The following KANK1 variants were observed in gnomAD, a reference collection of about 807,000 sequenced individuals.
KANK1 encodes the protein KN motif and ankyrin repeat domain-containing protein 1.
Under a neutral mutation model 106.2 loss-of-function variants are expected in KANK1, and 109 were observed. That is an observed-to-expected ratio of 1.03 (90% CI 0.88 to 1.20). KANK1 has a LOEUF of 1.20. KANK1 is among the 50% of genes most tolerant of loss of function. The pLI, the probability that KANK1 is intolerant of heterozygous loss-of-function variation, is 0.00. For synonymous variants in KANK1, 873 were observed against 652.2 expected (o/e 1.34, Z -5.16); for missense variants, 2,399 against 1,710.7 (o/e 1.40, Z -7.10).
intron 8 of KANK1, among the ~76,000 whole-genome samples, chr9:739,484 C>CTCTT (rs1426150077): frequency 6.6e-6 from 1 of 152,124 alleles, no homozygotes; most frequent in African/African-American, 2.4e-5. Context: ...TGTTTGTTCC[C>CTCTT]TCTTTTTGGA....
intron 1 of KANK1, among the ~76,000 whole-genome samples, chr9:541,238 C>T (rs2060580418): frequency 6.6e-6 from 1 of 152,040 alleles, no homozygotes; most frequent in African/African-American, 2.4e-5. Flanking sequence ...GACATATAGA[C>T]CAATGGAACA....
intron 1 of KANK1, among the ~76,000 whole-genome samples, chr9:515,123 C>T (rs1453980617): frequency 6.6e-6 from 1 of 151,742 alleles, no homozygotes; most frequent in African/African-American, 2.4e-5. Context: ...GCGGGTGGAT[C>T]ATGAGGTCAG....
chr9:632,955 A>G (rs535676727), intron 1 of KANK1, among the ~76,000 whole-genome samples: 1 of 151,912 alleles, frequency 6.6e-6, no homozygotes, highest in African/African-American at 2.4e-5. Flanking sequence ...CAGCCTCCCA[A>G]AGTGCTGGGA....
At chr9:742,006 C>T (rs915507526) in intron 9 of KANK1, among the ~76,000 whole-genome samples, 199 bp from the exon 10 acceptor site, 1 of 152,204 alleles carries the variant, frequency 6.6e-6, no homozygotes, top group Non-Finnish European at 1.5e-5. Context: ...TGGCTCCTTA[C>T]TTTATGCCCT....
In KANK1 at chr9:711,196, T is replaced by C; in HGVS notation, c.430T>C (p.Ser144Pro). 6.2e-7 allele frequency: 1 copy of C among 1,614,018 alleles called. No homozygotes were observed. Among genetic ancestry groups the C allele is most frequent in the Non-Finnish European group, 8.5e-7 (1 of 1,180,002 alleles). ...IPENRQLPPP[S>P]PQLPKHNLHV... is the part of the protein sequence containing the mutation. ...AGAAAATCGACAGCTGCCACCTCCCTCACCACAACTCCCAAAGCATAACCT... is the reference window on the plus strand; with the variant it reads ...AGAAAATCGACAGCTGCCACCTCCCCCACCACAACTCCCAAAGCATAACCT... Residue 144 changes from serine to proline, a missense_variant, in exon 3 of 12, where the codon TCA becomes CCA. By Grantham distance (74) the Ser-to-Pro change is moderately conservative. Coordinates refer to ENST00000382297, the MANE Select transcript of KANK1 (RefSeq NM_015158.5).
At chr9:617,068 T>G (rs1384855150) in intron 1 of KANK1, among the ~76,000 whole-genome samples, 1 of 152,218 alleles carries the variant, frequency 6.6e-6, no homozygotes, top group African/African-American at 2.4e-5. Context: ...AGAATAATTT[T>G]TTTTTAATAT....
intron 1 of KANK1, among the ~76,000 whole-genome samples, chr9:627,453 T>C (rs1298189125): frequency 6.6e-6 from 1 of 152,210 alleles, no homozygotes; most frequent in Admixed American, 6.5e-5. Flanking sequence ...CTTTTTCTCT[T>C]ATCTCTGCTG....
At chr9:570,500 C>T (rs140680695) in intron 1 of KANK1, among the ~76,000 whole-genome samples, 1 of 152,286 alleles carries the variant, frequency 6.6e-6, no homozygotes, top group Admixed American at 6.5e-5. Flanking sequence ...CTCTGAGGTA[C>T]TCTTACCAGA....
At chr9:627,809 C>T (rs1834716020) in intron 1 of KANK1, among the ~76,000 whole-genome samples, 1 of 152,132 alleles carries the variant, frequency 6.6e-6, no homozygotes, top group African/African-American at 2.4e-5. Flanking sequence ...TTTCTATTTT[C>T]AGCAATAGTG....
At chr9:470,970 G>A (rs890517180) in intron 2 of KANK1, 1 of 152,212 alleles carries the variant, frequency 6.6e-6, no homozygotes, top group African/African-American at 2.4e-5. Flanking sequence ...TCAAGACAGG[G>A]CCCTGCACAG....
chr9:635,460 G>C (rs1836864458), intron 1 of KANK1, among the ~76,000 whole-genome samples: 1 of 152,036 alleles, frequency 6.6e-6, no homozygotes, highest in Admixed American at 6.6e-5. Context: ...CTTTATTTGT[G>C]CAAACCTTTT....
intron 1 of KANK1, among the ~76,000 whole-genome samples, chr9:638,933 A>G (rs1477217086): frequency 6.6e-6 from 1 of 152,204 alleles, no homozygotes; most frequent in Non-Finnish European, 1.5e-5. Context: ...ATGGCTGAGC[A>G]AGTGGATTTG....
upstream of KANK1, among the ~76,000 whole-genome samples, chr9:500,925 CAA>C (rs1453875240): frequency 6.6e-6 from 1 of 152,078 alleles, no homozygotes; most frequent in Non-Finnish European, 1.5e-5. Flanking sequence ...TATGACTATA[CAA>C]AAAGAGAGGT....
rs568308543 is a variant in KANK1 at position 572,610 on chromosome 9, T to C, written c.-84+67856T>C. Reference sequence around the variant, plus strand: ...CTCGATATGTTGCCCAGGCTGGTCTTGAATTCCTGGCCTCAGGCAATCCTC... The same window carrying C: ...CTCGATATGTTGCCCAGGCTGGTCTCGAATTCCTGGCCTCAGGCAATCCTC... On this transcript the variant is annotated intron_variant, in intron 1 of 11. Coordinates refer to ENST00000382297, the MANE Select transcript of KANK1 (RefSeq NM_015158.5). Among the ~76,000 whole-genome samples the C allele has an allele frequency of 5.3e-5, 8 of 152,190 alleles. No individual in the cohort carries two copies. The South Asian group carries it at 1.7e-3, about 32-fold the overall frequency.
intron 1 of KANK1, among the ~76,000 whole-genome samples, chr9:528,459 TA>T (rs1243056958): frequency 1.4e-5 from 2 of 146,306 alleles, no homozygotes; most frequent in Non-Finnish European, 3.0e-5. Context: ...TTTACTGAAT[TA>T]AAAAATAACT....
At chr9:651,380 T>TA (rs1840848949) in intron 1 of KANK1, among the ~76,000 whole-genome samples, 1 of 152,240 alleles carries the variant, frequency 6.6e-6, no homozygotes, top group African/African-American at 2.4e-5. Context: ...TTGGCTGTGT[T>TA]AATTTCTGCT....
At chr9:635,611 T>C (rs952774362) in intron 1 of KANK1, among the ~76,000 whole-genome samples, 2 of 152,064 alleles carry the variant, frequency 1.3e-5, no homozygotes, top group Non-Finnish European at 2.9e-5. Context: ...AAGAATTCTA[T>C]ATGAGTAGAA....
chr9:664,759 C>T (rs1844181402), intron 1 of KANK1, among the ~76,000 whole-genome samples: 1 of 152,178 alleles, frequency 6.6e-6, no homozygotes, highest in Non-Finnish European at 1.5e-5. Context: ...GAAGTGTTTT[C>T]TATAGTGGCT....
intron 2 of KANK1, among the ~76,000 whole-genome samples, chr9:684,916 T>A (rs989801386): frequency 6.6e-6 from 1 of 150,716 alleles, no homozygotes. Flanking sequence ...AAAAAAAAAA[T>A]TAATTGCATT....
Sources: gnomAD v4.1 joint callset for allele counts (sites outside exome capture counted in the v4.1 genomes callset) on GRCh38, gnomAD v4.1.1 for gene constraint, MANE v1.5 for transcripts, NCBI Gene and HGNC (gene_info 2026-07-23, HGNC 2026-07-21) for gene names.